The following SLC22A15 variants were observed in gnomAD, a reference collection of about 807,000 sequenced individuals.
SLC22A15 encodes the protein flipt 1.
In SLC22A15, 45 loss-of-function variants were observed where a neutral mutation model predicts 62.7. The ratio of observed to expected loss-of-function variants is 0.72; its 90% CI spans 0.56 to 0.92. The LOEUF (loss-of-function observed/expected upper bound fraction) is 0.92. Among genes scored for constraint, SLC22A15 ranks in the 40% least tolerant of loss-of-function variants. SLC22A15 has a pLI of 0.00. For missense variants in SLC22A15, 622 were observed against 665.6 expected (o/e 0.93, Z 0.72); for synonymous variants, 264 against 267.0 (o/e 0.99, Z 0.11).
At chr1:116,050,317 TTGA>T (rs1658017362) in intron 8 of SLC22A15, among the ~76,000 whole-genome samples, 1 of 152,142 alleles carries the variant, frequency 6.6e-6, no homozygotes, top group Non-Finnish European at 1.5e-5. Flanking sequence ...ACTGATATCC[TTGA>T]TGAACATAGT....
intron 1 of SLC22A15, among the ~76,000 whole-genome samples, chr1:115,989,579 A>AC (rs1423466897): frequency 1.3e-5 from 2 of 152,020 alleles, no homozygotes; most frequent in Non-Finnish European, 2.9e-5. Context: ...TCAGGAGTTC[A>AC]AGACCAGCCT....
chr1:116,020,873 T>A lies in SLC22A15; in HGVS notation c.586T>A (p.Trp196Arg). The A allele has an allele frequency of 6.2e-7, 1 of 1,611,652 alleles. No homozygotes were observed. Among genetic ancestry groups the A allele is most frequent in the Non-Finnish European group, 8.5e-7 (1 of 1,178,536 alleles). ...TAATGAATGTGTGGGCACCGCCTACTGGGCACTTGCAGGTACTACTTAAAT... is the reference window on the plus strand; with the variant it reads ...TAATGAATGTGTGGGCACCGCCTACAGGGCACTTGCAGGTACTACTTAAAT... ...LLNECVGTAY[W>R]ALAGSIGGLF... Residue 196 changes from tryptophan (W) to arginine (R), a missense_variant, in exon 4 of 12, where the codon TGG becomes AGG. Transcript: ENST00000369503.
Position 115,991,779 on chromosome 1 carries a change from C to A in SLC22A15, c.88-252C>A, listed in dbSNP as rs554739297. ...GCAGTGTCTTTAGCATCAGAAATAT[C>A]TCAAAGAAAGAAAAACCTCTGAAAA... On this transcript the variant is annotated intron_variant, in intron 1 of 11. Coordinates refer to ENST00000369503, the MANE Select transcript of SLC22A15 (RefSeq NM_018420.3). Among the ~76,000 whole-genome samples, 14 of 152,310 alleles carry A rather than the reference C, an allele frequency of 9.2e-5. No homozygotes were observed. In the South Asian group the frequency reaches 2.9e-3, roughly 32 times the overall value.
chr1:116,053,662 G>T (rs1658120959), intron 8 of SLC22A15, among the ~76,000 whole-genome samples: 1 of 152,134 alleles, frequency 6.6e-6, no homozygotes, highest in Non-Finnish European at 1.5e-5. Context: ...GAGAAAGGTT[G>T]GGTTACCCAC....
intron 1 of SLC22A15, among the ~76,000 whole-genome samples, chr1:115,986,599 A>G (rs761395558): frequency 6.6e-6 from 1 of 152,216 alleles, no homozygotes; most frequent in Non-Finnish European, 1.5e-5. Flanking sequence ...GTAGAAAAAC[A>G]TAAAACTGGA....
At chr1:115,998,729 C>A (rs1570705873) in intron 2 of SLC22A15, among the ~76,000 whole-genome samples, 1 of 151,944 alleles carries the variant, frequency 6.6e-6, no homozygotes, top group Non-Finnish European at 1.5e-5. Flanking sequence ...TTCAAAAAAA[C>A]AACTTTTCAT....
chr1:116,027,495 G>C (rs1026978926), intron 5 of SLC22A15, among the ~76,000 whole-genome samples: 6 of 152,296 alleles, frequency 3.9e-5, no homozygotes, highest in African/African-American at 1.4e-4. Flanking sequence ...AATCCTTAGG[G>C]TGCACGGCCT....
At chr1:116,049,864 A>C (rs1819742) in intron 8 of SLC22A15, among the ~76,000 whole-genome samples, 135,418 of 152,104 alleles carry the variant, frequency 0.89, 61,231 homozygotes, top group East Asian at 1. Flanking sequence ...AGATTAACCA[A>C]GAAAAGAGAG....
chr1:115,998,495 G>A (rs1365026803), intron 2 of SLC22A15, among the ~76,000 whole-genome samples: 2 of 151,996 alleles, frequency 1.3e-5, no homozygotes, highest in East Asian at 1.9e-4. Context: ...AGGCTTTGGA[G>A]TTCTTCATGG....
chr1:116,007,049 C>T (rs191110132), intron 2 of SLC22A15, among the ~76,000 whole-genome samples: 12 of 152,214 alleles, frequency 7.9e-5, no homozygotes, highest in Admixed American at 4.6e-4. Flanking sequence ...GATAATTATA[C>T]GTTTCTAAAT....
At chr1:116,006,731 G>A (rs764919610) in intron 2 of SLC22A15, among the ~76,000 whole-genome samples, 1 of 151,152 alleles carries the variant, frequency 6.6e-6, no homozygotes. Flanking sequence ...TTTTGTTTGT[G>A]TCTGTTTCTG....
intron 8 of SLC22A15, among the ~76,000 whole-genome samples, chr1:116,049,811 C>T (rs576735309): frequency 6.6e-6 from 1 of 151,994 alleles, no homozygotes; most frequent in African/African-American, 2.4e-5. Flanking sequence ...AAACAAAAAG[C>T]CAGTTCTTTG....
chr1:116,055,560 C>T (rs951144075), intron 8 of SLC22A15, among the ~76,000 whole-genome samples: 1 of 148,492 alleles, frequency 6.7e-6, no homozygotes, highest in East Asian at 2.0e-4. Flanking sequence ...TTTTATGAGG[C>T]CAGCATCATC....
intron 2 of SLC22A15, among the ~76,000 whole-genome samples, chr1:116,010,221 G>A (rs56725171): frequency 0.051 from 7,689 of 152,232 alleles, 667 homozygotes; most frequent in African/African-American, 0.18. Flanking sequence ...CAATTATCAT[G>A]CTTAATTAAT....
At chr1:116,042,393 G>A (rs141238523) in intron 8 of SLC22A15, among the ~76,000 whole-genome samples, 1 of 151,766 alleles carries the variant, frequency 6.6e-6, no homozygotes, top group East Asian at 1.9e-4. Context: ...TTAGCAACAG[G>A]TTAAACACTA....
intron 2 of SLC22A15, among the ~76,000 whole-genome samples, chr1:116,011,031 T>C (rs1162822877): frequency 6.6e-6 from 1 of 152,192 alleles, no homozygotes; most frequent in Non-Finnish European, 1.5e-5. Flanking sequence ...TGAACAGTCA[T>C]GTGGTGCGTC....
intron 2 of SLC22A15, among the ~76,000 whole-genome samples, chr1:116,018,676 G>C (rs761510598): frequency 6.6e-6 from 1 of 151,954 alleles, no homozygotes; most frequent in African/African-American, 2.4e-5. Context: ...GGGCTACATG[G>C]TGATGTTTTA....
intron 2 of SLC22A15, among the ~76,000 whole-genome samples, chr1:116,016,739 A>G (rs914744221): frequency 3.3e-5 from 5 of 152,096 alleles, no homozygotes; most frequent in African/African-American, 9.7e-5. Context: ...GCTAAAATGA[A>G]CAATTTAGGT....
intron 10 of SLC22A15, among the ~76,000 whole-genome samples, chr1:116,066,023 T>C (rs1221518727): frequency 2.0e-5 from 3 of 152,192 alleles, no homozygotes; most frequent in Non-Finnish European, 4.4e-5. Context: ...AAAAGAGTTT[T>C]TACACCTTTA....
Sources: allele counts gnomAD v4.1 joint callset (sites outside exome capture counted in the v4.1 genomes callset), GRCh38; gene constraint gnomAD v4.1.1; transcripts MANE v1.5; gene names NCBI Gene and HGNC (gene_info 2026-07-23, HGNC 2026-07-21).